TMPRSS6: variants seen among roughly 807,000 people sequenced by gnomAD.
TMPRSS6 encodes the protein transmembrane serine protease 6.
TMPRSS6 carries 67 observed loss-of-function variants against 101.5 expected under a neutral mutation model. That is an observed-to-expected ratio of 0.66 (90% confidence interval 0.54 to 0.81). The LOEUF is 0.81. TMPRSS6 is among the 30% of genes least tolerant of loss of function. The probability of loss-of-function intolerance (pLI) is 0.00; values close to 1 mark genes in which losing one functional copy is unlikely to be tolerated. For missense variants in TMPRSS6, 1,034 were observed against 1,088.7 expected, an observed-to-expected ratio of 0.95 and a Z score of 0.71; for synonymous variants, 453 against 464.9, an observed-to-expected ratio of 0.97 and a Z score of 0.33.
chr22:37,095,258 C>T (rs1929642076), intron 6 of TMPRSS6, among the ~76,000 whole-genome samples: 1 of 152,172 alleles, frequency 6.6e-6, no homozygotes, highest in Non-Finnish European at 1.5e-5. Flanking sequence ...AGGAGAGTCA[C>T]GTTCGTGGAC....
chr22:37,103,142 C>G lies in TMPRSS6; in HGVS notation c.202+74G>C. 2 of 1,508,392 alleles carry G rather than the reference C, an allele frequency of 1.3e-6. No individual in the cohort carries two copies. Among genetic ancestry groups the G allele is most frequent in the South Asian group, 2.3e-5 (2 of 88,432 alleles). 93.4% of individuals were successfully genotyped at this position (1,508,392 alleles called of 1,614,324 possible). On this transcript the variant is annotated intron_variant, in intron 2 of 17. Coordinates refer to ENST00000676104, the MANE Select transcript of TMPRSS6 (RefSeq NM_001374504.1). This position sits in a 1 kb window ranked among gnomAD's most constrained non-coding sequence, Gnocchi z 4.4. ...GCACGGCTGAGCCTGGAACCCAGTC[C>G]TGTCCTGCTGTGCCTGCTACAGTCA...
intron 10 of TMPRSS6, among the ~76,000 whole-genome samples, chr22:37,077,903 C>T (rs539479648): frequency 6.6e-6 from 1 of 152,182 alleles, no homozygotes; most frequent in Non-Finnish European, 1.5e-5. Flanking sequence ...TGAGGCAGAA[C>T]AGGTTGGGAG....
Position 37,103,127 on chromosome 22 carries a change from G to A in TMPRSS6, c.202+89C>T. The A allele has an allele frequency of 2.9e-6, 4 of 1,401,010 alleles. 1 individual carries two copies. The African/African-American group carries it at 4.2e-5, about 15-fold the overall frequency. 86.8% of individuals were successfully genotyped at this position (1,401,010 alleles called of 1,614,324 possible). Reference sequence around the variant, plus strand: ...ACAGCAATATGCTAAGCACGGCTGAGCCTGGAACCCAGTCCTGTCCTGCTG... The same window carrying A: ...ACAGCAATATGCTAAGCACGGCTGAACCTGGAACCCAGTCCTGTCCTGCTG... On this transcript the variant is annotated intron_variant, in intron 2 of 17. Transcript: ENST00000676104. The surrounding 1 kb of genome is among the most constrained non-coding windows in gnomAD (Gnocchi z 4.4).
At chr22:37,104,405 T>A (rs1272041066) in intron 1 of TMPRSS6, among the ~76,000 whole-genome samples, 1 of 152,174 alleles carries the variant, frequency 6.6e-6, no homozygotes, top group African/African-American at 2.4e-5. Flanking sequence ...TTTCCACGAA[T>A]CTAAGATGCC....
intron 8 of TMPRSS6, 36 bp downstream of exon 8, chr22:37,086,247 A>ACC: frequency 6.2e-7 from 1 of 1,613,654 alleles, no homozygotes; most frequent in Non-Finnish European, 8.5e-7. Context: ...TTCTACCACC[A>ACC]CCCCTCCCCT....
At chr22:37,071,207 C>A (rs1002690318) in intron 13 of TMPRSS6, among the ~76,000 whole-genome samples, 175 bp from the exon 14 acceptor site, 1 of 152,124 alleles carries the variant, frequency 6.6e-6, no homozygotes, top group Non-Finnish European at 1.5e-5. Flanking sequence ...CCCCGCCCCC[C>A]ACAGCCCCTC....
chr22:37,096,303 A>G (rs1929758133), intron 4 of TMPRSS6, among the ~76,000 whole-genome samples: 1 of 152,234 alleles, frequency 6.6e-6, no homozygotes, highest in African/African-American at 2.4e-5. Context: ...CTTGTGTCTC[A>G]TAAACTATGC....
chr22:37,089,547 C>CA, intron 7 of TMPRSS6, 31 bp downstream of exon 7: 1 of 1,397,450 alleles, frequency 7.2e-7, no homozygotes, highest in Non-Finnish European at 1.0e-6. Flanking sequence ...TTTTCCAGCC[C>CA]TCCCTCCTGC....
intron 2 of TMPRSS6, among the ~76,000 whole-genome samples, chr22:37,102,842 G>T (rs1438827665): frequency 6.6e-6 from 1 of 152,132 alleles, no homozygotes; most frequent in Non-Finnish European, 1.5e-5. Context: ...TTAGGGCTGG[G>T]TTGGCTCCAA....
chr22:37,096,034 C>A lies in TMPRSS6; in HGVS notation c.461G>T (p.Arg154Leu). 6.2e-7 allele frequency: 1 copy of A among 1,614,212 alleles called. No homozygotes were observed. The highest frequency in any genetic ancestry group is 1.1e-5 in the South Asian group (1 of 91,084). ...WFILQIPEHR[R>L]LMLSPEVVQA... ...CACCACCTCGGGGCTCAGCATCAGCCGGCGGTGCTCGGGGATTTGGAGAAT... is the reference window on the plus strand; with the variant it reads ...CACCACCTCGGGGCTCAGCATCAGCAGGCGGTGCTCGGGGATTTGGAGAAT... The change falls in exon 5 of 18, where the codon CGG (arginine) becomes CTG (leucine). Residue 154 changes from arginine (R) to leucine (L), a missense_variant. Physicochemically the swap from Arg to Leu is moderately radical, Grantham distance 102. Transcript: ENST00000676104.
chr22:37,075,358 C>G, intron 10 of TMPRSS6, 78 bp from the exon 11 acceptor site: 1 of 1,587,698 alleles, frequency 6.3e-7, no homozygotes, highest in African/African-American at 1.3e-5. Flanking sequence ...CAAGGACAGG[C>G]AGCCAGAGGG....
intron 7 of TMPRSS6, among the ~76,000 whole-genome samples, chr22:37,088,634 T>A (rs1928975228): frequency 1.3e-5 from 2 of 151,848 alleles, no homozygotes; most frequent in African/African-American, 4.8e-5. Context: ...CTGATCCTGA[T>A]CACTTCTGTA....
At chr22:37,098,367 C>G (rs971953902) in intron 3 of TMPRSS6, 49 bp downstream of exon 3, 6 of 1,612,910 alleles carry the variant, frequency 3.7e-6, no homozygotes, top group East Asian at 2.2e-5. Context: ...CCACCCCTCT[C>G]TTTTCACCCC....
intron 2 of TMPRSS6, among the ~76,000 whole-genome samples, chr22:37,099,860 G>A (rs1930145906): frequency 8.5e-6 from 1 of 117,526 alleles, no homozygotes; most frequent in South Asian, 2.5e-4. Flanking sequence ...TATGAGATGG[G>A]GAAGGGGAGA....
rs1349018743 is a variant in TMPRSS6 at position 37,096,152 on chromosome 22, C to T, written c.405-62G>A. 6 of 1,587,162 alleles carry T rather than the reference C, an allele frequency of 3.8e-6. No homozygotes were observed. The African/African-American group carries it at 6.7e-5, about 18-fold the overall frequency. ...TTCTGAGGTCTGGCCCCAGCTCCAC[C>T]CCTGCTCATGCACATCGAGCACTTT... is the stretch of plus-strand genomic sequence containing the variant. On this transcript the variant is annotated intron_variant, in intron 4 of 17. Coordinates refer to ENST00000676104, the MANE Select transcript of TMPRSS6 (RefSeq NM_001374504.1).
intron 1 of TMPRSS6, among the ~76,000 whole-genome samples, chr22:37,105,079 T>A (rs779152455): frequency 2.0e-5 from 3 of 152,186 alleles, no homozygotes; most frequent in Admixed American, 6.5e-5. Flanking sequence ...TCTTTAGTAA[T>A]GCTCAAAGTC....
chr22:37,089,613 G>A lies in TMPRSS6; in HGVS notation c.801C>T (p.Asp267=), dbSNP rs374517871. 122 of 1,443,596 alleles carry A rather than the reference G, an allele frequency of 8.5e-5. No individual in the cohort carries two copies. The highest frequency in any genetic ancestry group is 5.1e-4 in the East Asian group (15 of 29,640). 89.4% of individuals were successfully genotyped at this position (1,443,596 alleles called of 1,614,324 possible). ...GCCTCTTCTCCAGGGGCCCGGCCAC[G>A]TCATACATGGCCAGTCGGTCCCGGC... The part of the protein sequence containing the change: ...AECRDRLAMY[D]VAGPLEKRLI... Residue 267 remains aspartate (D), a synonymous_variant, in exon 7 of 18, where the codon GAC becomes GAT. Transcript: ENST00000676104.
intron 10 of TMPRSS6, among the ~76,000 whole-genome samples, chr22:37,079,887 C>T (rs1165694119): frequency 6.6e-6 from 1 of 152,238 alleles, no homozygotes; most frequent in African/African-American, 2.4e-5. Flanking sequence ...CTGTGGCTGC[C>T]GCCTGTGCTG....
chr22:37,081,208 G>A (rs917420474), intron 10 of TMPRSS6, among the ~76,000 whole-genome samples: 3 of 152,234 alleles, frequency 2.0e-5, no homozygotes, highest in South Asian at 2.1e-4. Flanking sequence ...GGTGATGAAC[G>A]CAGGTTTGTT....
Sources: allele counts gnomAD v4.1 joint callset (sites outside exome capture counted in the v4.1 genomes callset), GRCh38; gene constraint gnomAD v4.1.1; non-coding constraint Gnocchi (gnomAD v3.1); transcripts MANE v1.5; gene names NCBI Gene and HGNC (gene_info 2026-07-23, HGNC 2026-07-21).